AIG1: variants seen among roughly 807,000 people sequenced by gnomAD.
The protein encoded by AIG1 is androgen induced 1.
In AIG1, 23 loss-of-function variants were observed where a neutral mutation model predicts 31.4. The ratio of observed to expected loss-of-function variants is 0.73; its 90% CI spans 0.53 to 1.04. The LOEUF (loss-of-function observed/expected upper bound fraction) is 1.04. Ranked by LOEUF, AIG1 falls within the 50% of genes least tolerant of loss-of-function variation. AIG1 has a pLI of 0.00. For synonymous variants in AIG1, 100 were observed against 110.5 expected, an observed-to-expected ratio of 0.90 and a Z score of 0.60; for missense variants, 274 against 295.0, an observed-to-expected ratio of 0.93 and a Z score of 0.52.
chr6:143,066,202 T>C (rs6938207), intron 1 of AIG1, among the ~76,000 whole-genome samples: 46,504 of 152,078 alleles, frequency 0.31, 11,411 homozygotes, highest in African/African-American at 0.66. Context: ...CTGCTCTAAG[T>C]TGCATTGTTT....
chr6:143,180,682 G>A (rs1337619676), intron 3 of AIG1, among the ~76,000 whole-genome samples: 1 of 152,050 alleles, frequency 6.6e-6, no homozygotes, highest in Non-Finnish European at 1.5e-5. Context: ...AGAAGGTTAG[G>A]ATATTATTAT....
At chr6:143,136,192 A>G (rs923002634) in intron 1 of AIG1, among the ~76,000 whole-genome samples, 1 of 152,176 alleles carries the variant, frequency 6.6e-6, no homozygotes, top group Non-Finnish European at 1.5e-5. Flanking sequence ...AATACTAAAA[A>G]CCTGAGTAGA....
In AIG1 at chr6:143,297,266, G is replaced by A. The variant is rs1011959325; in HGVS notation, c.515+13041G>A. On this transcript the variant is annotated intron_variant, in intron 4 of 5. Coordinates refer to ENST00000357847, the MANE Select transcript of AIG1 (RefSeq NM_016108.4). The surrounding 1 kb of genome is among the most constrained non-coding windows in gnomAD (Gnocchi z 5.1). ...AAAAAGCAGATGGCCTAGAAGCAAC[G>A]GAGAGGAAACCATAGTCAGGGAGCC... is the stretch of plus-strand genomic sequence containing the variant. 9.2e-5 allele frequency among the ~76,000 whole-genome samples: 14 copies of A among 152,116 alleles called. No individual in the cohort carries two copies. The highest frequency in any genetic ancestry group is 3.4e-4 in the African/African-American group (14 of 41,426).
chr6:143,072,186 C>T (rs9496510), intron 1 of AIG1, among the ~76,000 whole-genome samples: 2,071 of 152,236 alleles, frequency 0.014, 43 homozygotes, highest in African/African-American at 0.047. Context: ...TTTAGTGAAA[C>T]AAATAGTACT....
At chr6:143,093,396 A>G (rs1477631364) in intron 1 of AIG1, among the ~76,000 whole-genome samples, 1 of 152,164 alleles carries the variant, frequency 6.6e-6, no homozygotes, top group African/African-American at 2.4e-5. Flanking sequence ...ATAGAATTGA[A>G]GAGAGTTAGG....
intron 3 of AIG1, among the ~76,000 whole-genome samples, chr6:143,264,296 A>G (rs1465198330): frequency 3.3e-5 from 5 of 152,038 alleles, no homozygotes; most frequent in Non-Finnish European, 5.9e-5. Flanking sequence ...TTCCTCCCTC[A>G]AAGTTATTTT....
At chr6:143,125,065 T>A (rs1782580724) in intron 1 of AIG1, among the ~76,000 whole-genome samples, 1 of 152,162 alleles carries the variant, frequency 6.6e-6, no homozygotes, top group Admixed American at 6.5e-5. Flanking sequence ...TATATTTCAT[T>A]TAGGTTTCAG....
At chr6:143,234,858 C>T (rs1793693513) in intron 3 of AIG1, among the ~76,000 whole-genome samples, 1 of 152,118 alleles carries the variant, frequency 6.6e-6, no homozygotes, top group South Asian at 2.1e-4. Context: ...TGGTGGATAT[C>T]CCATGATACA....
At chr6:143,274,183 T>G (rs950911330) in intron 3 of AIG1, among the ~76,000 whole-genome samples, 1 of 150,468 alleles carries the variant, frequency 6.6e-6, no homozygotes, top group Non-Finnish European at 1.5e-5. Flanking sequence ...TCAGCTCCCC[T>G]TCCCTCATAG....
intron 1 of AIG1, among the ~76,000 whole-genome samples, chr6:143,118,820 A>G (rs1397689100): frequency 6.6e-6 from 1 of 152,168 alleles, no homozygotes; most frequent in Non-Finnish European, 1.5e-5. Context: ...TCAGTGCCAA[A>G]AAATTCCTAT....
chr6:143,086,028 T>C (rs532776052), intron 1 of AIG1, among the ~76,000 whole-genome samples: 1 of 152,268 alleles, frequency 6.6e-6, no homozygotes, highest in Non-Finnish European at 1.5e-5. Flanking sequence ...TGACTTAGAA[T>C]AGTTCTGAAC....
chr6:143,271,588 G>A (rs1216566049), intron 3 of AIG1, among the ~76,000 whole-genome samples: 1 of 152,150 alleles, frequency 6.6e-6, no homozygotes, highest in Non-Finnish European at 1.5e-5. Context: ...TGAAAACTTA[G>A]TGAAGAAGCA....
At chr6:143,145,294 G>C (rs1160686233) in intron 2 of AIG1, among the ~76,000 whole-genome samples, 4 of 152,138 alleles carry the variant, frequency 2.6e-5, no homozygotes, top group Admixed American at 2.6e-4. Flanking sequence ...AAAGTGCTGG[G>C]ATTCTAAGCA....
At chr6:143,286,361 C>G (rs1467670384) in intron 4 of AIG1, among the ~76,000 whole-genome samples, 1 of 152,122 alleles carries the variant, frequency 6.6e-6, no homozygotes, top group Non-Finnish European at 1.5e-5. Flanking sequence ...CCTAAGCAAA[C>G]CAGTACTTGT....
intron 4 of AIG1, among the ~76,000 whole-genome samples, chr6:143,309,141 G>A (rs1775057178): frequency 6.6e-6 from 1 of 151,838 alleles, no homozygotes; most frequent in Admixed American, 6.6e-5. Context: ...AAAGTATTGA[G>A]TATTGAAAGA....
intron 1 of AIG1, among the ~76,000 whole-genome samples, chr6:143,133,816 G>A (rs1783486344): frequency 6.6e-6 from 1 of 151,996 alleles, no homozygotes; most frequent in Non-Finnish European, 1.5e-5. Context: ...TTCTTTCTTG[G>A]ACTTATCCTC....
At position 143,327,409 on chromosome 6, in the gene AIG1, G is replaced by C. The variant is rs1776698906; in HGVS notation, c.516-5873G>C. On this transcript the variant is annotated intron_variant, in intron 4 of 5. Transcript: ENST00000357847. The surrounding 1 kb of genome is among the most constrained non-coding windows in gnomAD (Gnocchi z 5.3). ...TGGGCTTCAAGAAGTCTGCCCCTTG[G>C]GCACTCAAAGAGATCTGGAAATTTG... 3 of 340,618 alleles carry C rather than the reference G, an allele frequency of 8.8e-6. No homozygotes were observed. Among genetic ancestry groups the C allele is most frequent in the South Asian group, 8.5e-5 (3 of 35,460 alleles). 21.1% of individuals were successfully genotyped at this position (340,618 alleles called of 1,614,324 possible).
chr6:143,192,061 A>G (rs1002014100), intron 3 of AIG1, among the ~76,000 whole-genome samples: 1 of 152,254 alleles, frequency 6.6e-6, no homozygotes, highest in Non-Finnish European at 1.5e-5. Flanking sequence ...AAAAAACATA[A>G]AAGTGATAAA....
rs1795415855 is a variant in AIG1 at position 143,256,986 on chromosome 6, A to T, written c.400-27124A>T. ...AAATGATATAATTGGCTTTGGAAGC[A>T]TTTTTAAGCTTTAGTCTCATTTGTC... On this transcript the variant is annotated intron_variant, in intron 3 of 5. Transcript: ENST00000357847. The surrounding 1 kb of genome is among the most constrained non-coding windows in gnomAD (Gnocchi z 4.6). 6.6e-6 allele frequency among the ~76,000 whole-genome samples: 1 copy of T among 152,240 alleles called. No individual in the cohort carries two copies. The highest frequency in any genetic ancestry group is 1.5e-5 in the Non-Finnish European group (1 of 68,042).
Sources: gnomAD v4.1 joint callset for allele counts (sites outside exome capture counted in the v4.1 genomes callset) on GRCh38, gnomAD v4.1.1 for gene constraint, Gnocchi (gnomAD v3.1) non-coding constraint, MANE v1.5 for transcripts, NCBI Gene and HGNC (gene_info 2026-07-23, HGNC 2026-07-21) for gene names.